Variants in DAZAP1 observed in about 807,000 individuals in gnomAD.
DAZAP1 encodes DAZ-associated protein 1.
In DAZAP1, 6 loss-of-function variants were observed where a neutral mutation model predicts 60.1. That is an observed-to-expected ratio of 0.10 (90% CI 0.05 to 0.20). The LOEUF is 0.20. DAZAP1 is among the 10% of genes least tolerant of loss of function. The pLI, the probability that DAZAP1 is intolerant of heterozygous loss-of-function variation, is 1.00. For synonymous variants in DAZAP1, 235 were observed against 215.9 expected, an observed-to-expected ratio of 1.09 and a Z score of -0.78; for missense variants, 366 against 560.4, an observed-to-expected ratio of 0.65 and a Z score of 3.50.
intron 1 of DAZAP1, among the ~76,000 whole-genome samples, chr19:1,413,306 G>T (rs1400406552): frequency 6.6e-6 from 1 of 152,244 alleles, no homozygotes; most frequent in Non-Finnish European, 1.5e-5. Context: ...TCTGCTGCCT[G>T]GGCAGTTGAT....
At chr19:1,419,874 C>T (rs548789642) in intron 4 of DAZAP1, among the ~76,000 whole-genome samples, 6 of 141,004 alleles carry the variant, frequency 4.3e-5, no homozygotes, top group Admixed American at 1.4e-4. Flanking sequence ...GTCACGGCAG[C>T]GAGCACTCAC....
chr19:1,417,667 T>TTCTG (rs2083027156), intron 2 of DAZAP1, 127 bp downstream of exon 2: 1 of 897,938 alleles, frequency 1.1e-6, no homozygotes, highest in East Asian at 2.7e-5. Context: ...TTGTTCTGAT[T>TTCTG]TCTGGGCAGG....
At chr19:1,430,446 T>G (rs563076831) in intron 10 of DAZAP1, 84 bp downstream of exon 10, 2 of 1,301,612 alleles carry the variant, frequency 1.5e-6, no homozygotes, top group East Asian at 5.5e-5. Flanking sequence ...GAGTCTTGTG[T>G]TACACGTCTG....
In DAZAP1 at chr19:1,430,004, C is replaced by T. The variant is rs183040536; in HGVS notation, c.730+8C>T. The T allele has an allele frequency of 1.1e-4, 173 of 1,574,332 alleles. 1 individual carries two copies. The African/African-American group carries it at 1.9e-3, about 17-fold the overall frequency. On this transcript the variant is annotated splice_region_variant and intron_variant, in intron 9 of 11. Coordinates refer to ENST00000233078, the MANE Select transcript of DAZAP1 (RefSeq NM_018959.4). ...CGGCAGGACAGGCGATTGGTAAGTCCTTGTTTATAGAGCAAAGGCGGGGAC... is the reference window on the plus strand; with the variant it reads ...CGGCAGGACAGGCGATTGGTAAGTCTTTGTTTATAGAGCAAAGGCGGGGAC...
chr19:1,421,977 G>A (rs942943889), intron 5 of DAZAP1, among the ~76,000 whole-genome samples: 7 of 152,218 alleles, frequency 4.6e-5, no homozygotes, highest in East Asian at 1.9e-4. Flanking sequence ...TGCTTCCCGC[G>A]TTTGGGTGGG....
Position 1,418,435 on chromosome 19 carries a change from T to C in DAZAP1, c.237+65T>C, listed in dbSNP as rs2083050801. Reference sequence around the variant, plus strand: ...CCCCTGTCCTTCCTCTGCTTCATTTTTTCCTGGACTCTGACCGATGTTTGC... The same window carrying C: ...CCCCTGTCCTTCCTCTGCTTCATTTCTTCCTGGACTCTGACCGATGTTTGC... On this transcript the variant is annotated intron_variant, in intron 3 of 11. Transcript: ENST00000233078. The surrounding 1 kb of genome is among the most constrained non-coding windows in gnomAD (Gnocchi z 5.7). 1.3e-6 allele frequency: 2 copies of C among 1,578,960 alleles called. No individual in the cohort carries two copies. Among genetic ancestry groups the C allele is most frequent in the Non-Finnish European group, 8.7e-7 (1 of 1,153,778 alleles).
chr19:1,419,997 G>A (rs1819614991), intron 4 of DAZAP1, among the ~76,000 whole-genome samples: 1 of 83,500 alleles, frequency 1.2e-5, no homozygotes, highest in African/African-American at 5.0e-5. Context: ...CTCACCCCAC[G>A]CGCACACTCA....
At chr19:1,409,082 C>T (rs2082750779) in intron 1 of DAZAP1, among the ~76,000 whole-genome samples, 1 of 152,218 alleles carries the variant, frequency 6.6e-6, no homozygotes, top group Non-Finnish European at 1.5e-5. Flanking sequence ...CCAGACAAAA[C>T]AAAAGAGCAC....
intron 7 of DAZAP1, chr19:1,427,928 A>G (rs998772199): frequency 3.3e-5 from 5 of 152,242 alleles, no homozygotes; most frequent in Non-Finnish European, 7.3e-5. Flanking sequence ...ACGATTTATC[A>G]GAAAAGTGAG....
At chr19:1,410,569 T>A (rs940756440) in intron 1 of DAZAP1, among the ~76,000 whole-genome samples, 8 of 152,218 alleles carry the variant, frequency 5.3e-5, no homozygotes, top group Admixed American at 3.3e-4. Flanking sequence ...CTTGAGCGCC[T>A]CTGACTTGGA....
At position 1,425,999 on chromosome 19, in the gene DAZAP1, C is replaced by G. The variant is rs1462440581; in HGVS notation, c.546+39C>G. On this transcript the variant is annotated intron_variant, in intron 7 of 11. Coordinates refer to ENST00000233078, the MANE Select transcript of DAZAP1 (RefSeq NM_018959.4). This position sits in a 1 kb window ranked among gnomAD's most constrained non-coding sequence, Gnocchi z 5.4. ...GTTTTATTTTACCTTAAGACCAAAC[C>G]AAGTCTTAGGCAACTTAGGGGTTTC... 2 of 1,419,646 alleles carry G rather than the reference C, an allele frequency of 1.4e-6. No homozygotes were observed. Among genetic ancestry groups the G allele is most frequent in the Non-Finnish European group, 2.0e-6 (2 of 1,002,764 alleles). The allele number at this position is 1,419,646 out of a possible 1,614,324, so 87.9% of individuals were successfully genotyped here.
At chr19:1,421,833 A>G (rs1266581049) in intron 5 of DAZAP1, among the ~76,000 whole-genome samples, 1 of 152,174 alleles carries the variant, frequency 6.6e-6, no homozygotes, top group Non-Finnish European at 1.5e-5. Flanking sequence ...GCGCACGTTC[A>G]TCAGGTGGTA....
Position 1,418,514 on chromosome 19 carries a change from G to C in DAZAP1, c.237+144G>C, listed in dbSNP as rs560736344. ...TTGGGAAGGATTAAGCCTTGGTGCT[G>C]AGGCTGGATATTGCAGGAGGATACA... On this transcript the variant is annotated intron_variant, in intron 3 of 11. Transcript: ENST00000233078. This position sits in a 1 kb window ranked among gnomAD's most constrained non-coding sequence, Gnocchi z 5.7. 5 of 1,428,296 alleles carry C rather than the reference G, an allele frequency of 3.5e-6. No homozygotes were observed. In the African/African-American group the frequency reaches 5.6e-5, roughly 16 times the overall value. 88.5% of individuals were successfully genotyped at this position (1,428,296 alleles called of 1,614,324 possible).
chr19:1,428,778 G>A lies in DAZAP1; in HGVS notation c.547-64G>A. 6.2e-7 allele frequency: 1 copy of A among 1,600,222 alleles called. No homozygotes were observed. Among genetic ancestry groups the A allele is most frequent in the South Asian group, 1.1e-5 (1 of 89,938 alleles). ...GTAGTCATAAGTTACCCGAGGGTGT[G>A]TCTAAAGGGAAGGGGGTGCTGGGAC... On this transcript the variant is annotated intron_variant, in intron 7 of 11. Coordinates refer to ENST00000233078, the MANE Select transcript of DAZAP1 (RefSeq NM_018959.4). This position sits in a 1 kb window ranked among gnomAD's most constrained non-coding sequence, Gnocchi z 4.0.
Position 1,418,637 on chromosome 19 carries a change from A to T in DAZAP1, c.238-29A>T. Reference sequence around the variant, plus strand: ...TTCCTAGAGAAACAGCCTCTTATTCACAACCAGCTGATTTGAAATTTCCTG... The same window carrying T: ...TTCCTAGAGAAACAGCCTCTTATTCTCAACCAGCTGATTTGAAATTTCCTG... On this transcript the variant is annotated intron_variant, in intron 3 of 11. Transcript: ENST00000233078. This position sits in a 1 kb window ranked among gnomAD's most constrained non-coding sequence, Gnocchi z 5.7. 6.2e-7 allele frequency: 1 copy of T among 1,613,582 alleles called. No homozygotes were observed. The highest frequency in any genetic ancestry group is 8.5e-7 in the Non-Finnish European group (1 of 1,179,804).
At position 1,433,952 on chromosome 19, in the gene DAZAP1, G is replaced by A; in HGVS notation, c.1049-785G>A. 6.0e-6 allele frequency: 5 copies of A among 834,616 alleles called. No individual in the cohort carries two copies. In the South Asian group the frequency reaches 7.7e-5, roughly 13 times the overall value. 51.7% of individuals were successfully genotyped at this position (834,616 alleles called of 1,614,324 possible). Reference sequence around the variant, plus strand: ...GCCCTCTGGGAAGGGGCCCTTGCCGGTGCCAAGACATTGGCCACAAGCCTT... The same window carrying A: ...GCCCTCTGGGAAGGGGCCCTTGCCGATGCCAAGACATTGGCCACAAGCCTT... On this transcript the variant is annotated intron_variant, in intron 11 of 11. Transcript: ENST00000233078. This position sits in a 1 kb window ranked among gnomAD's most constrained non-coding sequence, Gnocchi z 6.1.
rs915923822 is a variant in DAZAP1 at position 1,407,722 on chromosome 19, C to G, written c.-52C>G. On this transcript the variant is annotated 5_prime_UTR_variant, in exon 1 of 12. Coordinates refer to ENST00000233078, the MANE Select transcript of DAZAP1 (RefSeq NM_018959.4). ...GACGGAGCGGGTGACCTTCCGGAGG[C>G]GGGAGCGAGCGAGGAGGCCCGGGAG... 12 of 1,066,964 alleles carry G rather than the reference C, an allele frequency of 1.1e-5. No individual in the cohort carries two copies. In the African/African-American group the frequency reaches 2.1e-4, roughly 18 times the overall value. 66.1% of individuals were successfully genotyped at this position (1,066,964 alleles called of 1,614,324 possible).
intron 9 of DAZAP1, 40 bp from the exon 10 acceptor site, chr19:1,430,182 C>G: frequency 6.3e-7 from 1 of 1,580,590 alleles, no homozygotes; most frequent in Non-Finnish European, 8.6e-7. Context: ...CTGTGTTGTC[C>G]AGCGCTCTCT....
At position 1,430,475 on chromosome 19, in the gene DAZAP1, G is replaced by A. The variant is rs1174425247; in HGVS notation, c.871+113G>A. The A allele has an allele frequency of 1.5e-5, 15 of 1,014,560 alleles. No individual in the cohort carries two copies. The South Asian group carries it at 2.1e-4, about 14-fold the overall frequency. 62.8% of individuals were successfully genotyped at this position (1,014,560 alleles called of 1,614,324 possible). ...ACGTCTGGCCTCAGCCACAGGTGGG[G>A]TGCCGGCTGGTCAGCAGGTCACCTG... On this transcript the variant is annotated intron_variant, in intron 10 of 11. Transcript: ENST00000233078.
Sources: gnomAD v4.1 joint callset for allele counts (sites outside exome capture counted in the v4.1 genomes callset) on GRCh38, gnomAD v4.1.1 for gene constraint, Gnocchi (gnomAD v3.1) non-coding constraint, MANE v1.5 for transcripts, NCBI Gene and HGNC (gene_info 2026-07-23, HGNC 2026-07-21) for gene names.